The following TRHDE variants were observed in gnomAD, a reference collection of about 807,000 sequenced individuals.
The protein encoded by TRHDE is thyrotropin-releasing hormone-degrading ectoenzyme.
A neutral mutation model predicts 125.7 loss-of-function variants in TRHDE; 72 were observed. The observed-to-expected ratio is 0.57, with a 90% confidence interval of 0.47 to 0.70. The LOEUF (loss-of-function observed/expected upper bound fraction) is 0.70, where lower values mean the gene tolerates loss of function less well. Ranked by LOEUF, TRHDE falls within the 30% of genes least tolerant of loss-of-function variation. TRHDE has a pLI of 0.00. For missense variants in TRHDE, 1,110 were observed against 1,327.1 expected (o/e 0.84, Z 2.54); for synonymous variants, 509 against 509.1 (o/e 1.00, Z 0.00).
intron 5 of TRHDE, among the ~76,000 whole-genome samples, chr12:72,479,536 G>A (rs1284064579): frequency 6.6e-6 from 1 of 151,634 alleles, no homozygotes; most frequent in Non-Finnish European, 1.5e-5. Context: ...GTAAGCATCT[G>A]GAAGGTGTGT....
chr12:72,470,681 G>A (rs910787931), intron 4 of TRHDE, among the ~76,000 whole-genome samples: 4 of 151,908 alleles, frequency 2.6e-5, no homozygotes, highest in African/African-American at 7.3e-5. Flanking sequence ...ATCTCATTGT[G>A]ATACAGTGTG....
chr12:72,297,164 A>G (rs921021125), intron 2 of TRHDE, among the ~76,000 whole-genome samples: 6 of 152,194 alleles, frequency 3.9e-5, no homozygotes, highest in Non-Finnish European at 7.3e-5. Context: ...TCAGGAGGGT[A>G]AGACATCTAG....
intron 2 of TRHDE, 136 bp downstream of exon 2, chr12:72,287,090 G>A: frequency 1.0e-6 from 1 of 977,218 alleles, no homozygotes. Context: ...TTCTTATGGG[G>A]GGGTTTTTAC....
At position 72,273,173 on chromosome 12, in the gene TRHDE, C is replaced by T; in HGVS notation, c.530C>T (p.Pro177Leu). The part of the protein sequence containing the change: ...AQPPSEEERE[P>L]WEPWTQLRLS... ...CCGCCGTCGGAGGAGGAGCGGGAGC[C>T]GTGGGAGCCGTGGACGCAGCTGCGC... Residue 177 changes from proline (P) to leucine (L), a missense_variant, in exon 1 of 19, where the codon CCG becomes CTG. Coordinates refer to ENST00000261180, the MANE Select transcript of TRHDE (RefSeq NM_013381.3). The surrounding 1 kb of genome is among the most constrained non-coding windows in gnomAD (Gnocchi z 5.3). The T allele has an allele frequency of 1.3e-6, 2 of 1,590,554 alleles. No individual in the cohort carries two copies. The highest frequency in any genetic ancestry group is 8.6e-7 in the Non-Finnish European group (1 of 1,164,852).
At position 72,497,557 on chromosome 12, in the gene TRHDE, A is replaced by C. The variant is rs551545339; in HGVS notation, c.1585-1941A>C. ...AATGGCTAAATATTATTTTATCTTC[A>C]TAATGGAATCACACTTTTAATTCGT... is the stretch of plus-strand genomic sequence containing the variant. On this transcript the variant is annotated intron_variant, in intron 5 of 18. Transcript: ENST00000261180. Among the ~76,000 whole-genome samples, 11 of 152,310 alleles carry C rather than the reference A, an allele frequency of 7.2e-5. No individual in the cohort carries two copies. The South Asian group carries it at 2.3e-3, about 32-fold the overall frequency.
intron 6 of TRHDE, among the ~76,000 whole-genome samples, chr12:72,513,081 A>G (rs537231894): frequency 1.2e-3 from 188 of 152,268 alleles, no homozygotes; most frequent in African/African-American, 4.4e-3. Context: ...AAAGCCCTAT[A>G]CAGTTACCAA....
At chr12:72,378,653 A>T (rs1192795690) in intron 3 of TRHDE, among the ~76,000 whole-genome samples, 1 of 152,144 alleles carries the variant, frequency 6.6e-6, no homozygotes, top group Non-Finnish European at 1.5e-5. Flanking sequence ...GATGTATGTT[A>T]TCCCTTAGAT....
chr12:72,145,615 TA>T (rs1033797191), intron 2 of TRHDE, among the ~76,000 whole-genome samples: 3 of 152,176 alleles, frequency 2.0e-5, no homozygotes, highest in Non-Finnish European at 4.4e-5. Context: ...TACCATCTTT[TA>T]AAAAAATTGT....
At chr12:72,450,781 C>T (rs1565746480) in intron 3 of TRHDE, among the ~76,000 whole-genome samples, 1 of 152,040 alleles carries the variant, frequency 6.6e-6, no homozygotes, top group South Asian at 2.1e-4. Flanking sequence ...CAAGGATTCC[C>T]TTTTCTTCTC....
intron 2 of TRHDE, among the ~76,000 whole-genome samples, chr12:72,163,884 G>A (rs1484838604): frequency 6.6e-6 from 1 of 152,296 alleles, no homozygotes; most frequent in African/African-American, 2.4e-5. Flanking sequence ...GGCCGAGGTG[G>A]GTGAATAACC....
intron 3 of TRHDE, among the ~76,000 whole-genome samples, chr12:72,427,547 AG>A (rs2135835983): frequency 6.6e-6 from 1 of 152,234 alleles, no homozygotes; most frequent in African/African-American, 2.4e-5. Flanking sequence ...TTGTTGGGGA[AG>A]GGGAAGAAGG....
intron 4 of TRHDE, among the ~76,000 whole-genome samples, chr12:72,470,563 T>C (rs757620713): frequency 1.3e-5 from 2 of 152,198 alleles, no homozygotes; most frequent in African/African-American, 2.4e-5. Context: ...TATGTGAATC[T>C]TAATTTTAGT....
chr12:72,377,391 T>C (rs1871937688), intron 2 of TRHDE, among the ~76,000 whole-genome samples: 1 of 151,924 alleles, frequency 6.6e-6, no homozygotes, highest in Non-Finnish European at 1.5e-5. Context: ...GTTAGAAATA[T>C]GAATTATTCT....
At chr12:72,382,998 A>G (rs1872252257) in intron 3 of TRHDE, among the ~76,000 whole-genome samples, 1 of 152,212 alleles carries the variant, frequency 6.6e-6, no homozygotes. Flanking sequence ...TCTTTGTTAC[A>G]TAAAGACACT....
chr12:72,662,920 C>T (rs1334136621), intron 18 of TRHDE, 132 bp from the exon 19 acceptor site: 1 of 866,534 alleles, frequency 1.2e-6, no homozygotes, highest in East Asian at 2.6e-5. Context: ...AATATATCTT[C>T]TATAGTGGTC....
At chr12:72,642,378 A>G (rs1017279594) in intron 15 of TRHDE, among the ~76,000 whole-genome samples, 1 of 152,224 alleles carries the variant, frequency 6.6e-6, no homozygotes, top group Non-Finnish European at 1.5e-5. Flanking sequence ...TTTCACAATG[A>G]TACACTGAAC....
chr12:72,168,523 A>G lies in TRHDE; in HGVS notation n.279+62771A>G, dbSNP rs144844154. Among the ~76,000 whole-genome samples the G allele has an allele frequency of 7.0e-4, 106 of 152,356 alleles. No individual in the cohort carries two copies. In the East Asian group the frequency reaches 0.014, roughly 21 times the overall value. On this transcript the variant is annotated intron_variant and non_coding_transcript_variant, in intron 2 of 4. Transcript: ENST00000548156. The stretch of plus-strand genomic sequence containing the variant: ...TCTTGCAGAAGAAGCTTTCTTGATC[A>G]TAGCAGAGACAGTGTGAATTTGGGA...
chr12:72,240,211 T>C (rs1030877622), intron 2 of TRHDE, among the ~76,000 whole-genome samples: 5 of 151,544 alleles, frequency 3.3e-5, no homozygotes, highest in African/African-American at 1.2e-4. Context: ...GTGTGAATTG[T>C]AGAATATTTG....
intron 3 of TRHDE, among the ~76,000 whole-genome samples, chr12:72,400,700 G>A (rs936171625): frequency 6.6e-6 from 1 of 152,090 alleles, no homozygotes. Flanking sequence ...TGCATGTATT[G>A]TTAAACCACA....
Sources: gnomAD v4.1 joint callset for allele counts (sites outside exome capture counted in the v4.1 genomes callset) on GRCh38, gnomAD v4.1.1 for gene constraint, Gnocchi (gnomAD v3.1) non-coding constraint, MANE v1.5 for transcripts, NCBI Gene and HGNC (gene_info 2026-07-23, HGNC 2026-07-21) for gene names.